Variants in MYO3B observed in about 807,000 individuals in gnomAD.
The protein encoded by MYO3B is myosin-IIIb.
Under a neutral mutation model 174.6 loss-of-function variants are expected in MYO3B, and 156 were observed. That is an observed-to-expected ratio of 0.89 (90% CI 0.78 to 1.02). The LOEUF is 1.02. MYO3B is among the 50% of genes least tolerant of loss of function. The probability of loss-of-function intolerance (pLI) is 0.00; values close to 1 mark genes in which losing one functional copy is unlikely to be tolerated. For synonymous variants in MYO3B, 563 were observed against 569.1 expected, an observed-to-expected ratio of 0.99 and a Z score of 0.15; for missense variants, 1,632 against 1,639.4, an observed-to-expected ratio of 1.00 and a Z score of 0.08.
rs73028039 is a variant in MYO3B, at chr2:170,442,108, G to A, written c.2651-1859G>A. Reference sequence around the variant, plus strand: ...ATTTCCTTTTATTTCTTTTTTTTGTGGACATATATTTTTATTTCTCTTTGG... The same window carrying A: ...ATTTCCTTTTATTTCTTTTTTTTGTAGACATATATTTTTATTTCTCTTTGG... On this transcript the variant is annotated intron_variant, in intron 22 of 34. Coordinates refer to ENST00000408978, the MANE Select transcript of MYO3B (RefSeq NM_138995.5). Among the ~76,000 whole-genome samples, 506 of 151,594 alleles carry A rather than the reference G, an allele frequency of 3.3e-3. 1 individual carries two copies. The highest frequency in any genetic ancestry group is 0.012 in the African/African-American group (477 of 41,360).
At chr2:170,327,860 C>CGCATATAT (rs374368662) in intron 7 of MYO3B, among the ~76,000 whole-genome samples, 3 of 102,532 alleles carry the variant, frequency 2.9e-5, no homozygotes, top group African/African-American at 8.3e-5. Context: ...GAATTATTAG[C>CGCATATAT]ATATATATAT....
intron 7 of MYO3B, among the ~76,000 whole-genome samples, chr2:170,276,247 G>A (rs7560188): frequency 0.014 from 2,064 of 152,216 alleles, 44 homozygotes; most frequent in African/African-American, 0.046. Context: ...AGTATAGCCC[G>A]TTGAAATGGC....
intron 7 of MYO3B, among the ~76,000 whole-genome samples, chr2:170,319,510 A>C (rs1387699714): frequency 6.6e-6 from 1 of 152,222 alleles, no homozygotes; most frequent in Non-Finnish European, 1.5e-5. Flanking sequence ...ACATTGAAGA[A>C]AAATTAACAG....
chr2:170,421,376 C>A (rs2094613442), intron 22 of MYO3B, among the ~76,000 whole-genome samples: 1 of 152,156 alleles, frequency 6.6e-6, no homozygotes, highest in Non-Finnish European at 1.5e-5. Context: ...CAATTGCTGG[C>A]CCCCTTCTTG....
At chr2:170,645,101 C>T (rs1698261830) in intron 32 of MYO3B, among the ~76,000 whole-genome samples, 1 of 152,124 alleles carries the variant, frequency 6.6e-6, no homozygotes. Flanking sequence ...GTCTCATGGG[C>T]ATCTATGCGA....
At chr2:170,652,580 G>C (rs529737514) in intron 34 of MYO3B, among the ~76,000 whole-genome samples, 16 of 152,318 alleles carry the variant, frequency 1.1e-4, no homozygotes, top group African/African-American at 3.8e-4. Flanking sequence ...TAAGGAATTT[G>C]TCGTTCATTT....
chr2:170,533,934 T>C (rs566538230), intron 30 of MYO3B, among the ~76,000 whole-genome samples: 1 of 152,266 alleles, frequency 6.6e-6, no homozygotes, highest in African/African-American at 2.4e-5. Context: ...CAAGTTAGAG[T>C]TGCCATATTT....
chr2:170,220,275 A>G (rs2105378597), intron 6 of MYO3B, among the ~76,000 whole-genome samples: 1 of 150,768 alleles, frequency 6.6e-6, no homozygotes, highest in Middle Eastern at 3.5e-3. Flanking sequence ...AAACAAAACA[A>G]AACAAAACAA....
At chr2:170,227,682 A>C (rs1045530572) in intron 6 of MYO3B, among the ~76,000 whole-genome samples, 1 of 152,244 alleles carries the variant, frequency 6.6e-6, no homozygotes, top group African/African-American at 2.4e-5. Flanking sequence ...TGGTGCTGTC[A>C]GCCTGGGTGA....
chr2:170,608,709 A>ATG (rs1553537449), intron 32 of MYO3B, among the ~76,000 whole-genome samples: 1 of 152,014 alleles, frequency 6.6e-6, no homozygotes, highest in East Asian at 1.9e-4. Flanking sequence ...GACAGAGAGT[A>ATG]TGTGTGTGTG....
At chr2:170,557,072 T>G (rs544970159) in intron 32 of MYO3B, among the ~76,000 whole-genome samples, 15 of 149,346 alleles carry the variant, frequency 1.0e-4, no homozygotes, top group South Asian at 2.2e-4. Flanking sequence ...TAGATACGTG[T>G]TTTTTTTTGT....
chr2:170,606,691 A>G (rs1246210230), intron 32 of MYO3B, among the ~76,000 whole-genome samples: 11 of 152,168 alleles, frequency 7.2e-5, no homozygotes, highest in Admixed American at 7.2e-4. Flanking sequence ...AATATTTGCA[A>G]CATTTTCTCT....
chr2:170,365,180 A>G (rs1334882909), intron 8 of MYO3B, among the ~76,000 whole-genome samples: 2 of 152,202 alleles, frequency 1.3e-5, no homozygotes, highest in Non-Finnish European at 2.9e-5. Flanking sequence ...CACGGAACAA[A>G]GCAGGAAGGG....
At chr2:170,534,037 GA>G (rs915027089) in intron 30 of MYO3B, among the ~76,000 whole-genome samples, 1 of 152,142 alleles carries the variant, frequency 6.6e-6, no homozygotes, top group Non-Finnish European at 1.5e-5. Context: ...TTAAGTATTT[GA>G]AAATACTTTT....
chr2:170,391,126 C>T (rs1402229041), intron 14 of MYO3B, among the ~76,000 whole-genome samples: 1 of 152,056 alleles, frequency 6.6e-6, no homozygotes, highest in Non-Finnish European at 1.5e-5. Context: ...ACTTGCAGGC[C>T]ACTTCCTGTC....
At chr2:170,412,891 C>T (rs1466183215) in intron 22 of MYO3B, among the ~76,000 whole-genome samples, 1 of 152,272 alleles carries the variant, frequency 6.6e-6, no homozygotes, top group South Asian at 2.1e-4. Context: ...GAGTGAGTTC[C>T]TCCTTACAAA....
At chr2:170,261,601 A>G (rs576985361) in intron 7 of MYO3B, among the ~76,000 whole-genome samples, 3 of 152,186 alleles carry the variant, frequency 2.0e-5, no homozygotes, top group Non-Finnish European at 4.4e-5. Flanking sequence ...ACACATGCAT[A>G]ATCCCATGAT....
At chr2:170,357,243 G>T (rs1422945476) in intron 8 of MYO3B, among the ~76,000 whole-genome samples, 2 of 151,052 alleles carry the variant, frequency 1.3e-5, no homozygotes, top group African/African-American at 2.4e-5. Flanking sequence ...GGAGGCGGAG[G>T]TTGCAGTGAG....
chr2:170,644,230 T>G (rs907527367), intron 32 of MYO3B, among the ~76,000 whole-genome samples: 5 of 152,148 alleles, frequency 3.3e-5, no homozygotes, highest in Admixed American at 6.6e-5. Context: ...TTCATGGATG[T>G]AATAAAGAAT....
Sources: allele counts gnomAD v4.1 joint callset (sites outside exome capture counted in the v4.1 genomes callset), GRCh38; gene constraint gnomAD v4.1.1; transcripts MANE v1.5; gene names NCBI Gene and HGNC (gene_info 2026-07-23, HGNC 2026-07-21).